Variants in ASB3 observed in about 807,000 individuals in gnomAD.
The protein encoded by ASB3 is ankyrin repeat and SOCS box containing 3.
A neutral mutation model predicts 54.5 loss-of-function variants in ASB3; 41 were observed. That is an observed-to-expected ratio of 0.75 (90% confidence interval 0.59 to 0.98). The LOEUF is 0.98. Ranked by LOEUF, ASB3 falls within the 50% of genes least tolerant of loss-of-function variation. ASB3 has a pLI of 0.00. For synonymous variants in ASB3, 266 were observed against 221.2 expected, an observed-to-expected ratio of 1.20 and a Z score of -1.80; for missense variants, 733 against 620.0, an observed-to-expected ratio of 1.18 and a Z score of -1.94.
Position 53,700,466 on chromosome 2 carries a change from T to A in ASB3, c.1043A>T (p.His348Leu). The A allele has an allele frequency of 6.2e-7, 1 of 1,614,106 alleles. No homozygotes were observed. Among genetic ancestry groups the A allele is most frequent in the Non-Finnish European group, 8.5e-7 (1 of 1,179,998 alleles). Residue 348 changes from histidine (H) to leucine (L), a missense_variant, in exon 8 of 10, where the codon CAT (histidine) becomes CTT (leucine). Transcript: ENST00000263634. ...CTCGTACTTCAGGCAGTATGCCAAATGAAGTTCATTTATCTGGGCTCCATA... is the reference window on the plus strand; with the variant it reads ...CTCGTACTTCAGGCAGTATGCCAAAAGAAGTTCATTTATCTGGGCTCCATA... ...LKYGAQINEL[H>L]LAYCLKYEKF...
chr2:53,761,586 G>C (rs1673150177), intron 2 of ASB3, among the ~76,000 whole-genome samples: 1 of 152,188 alleles, frequency 6.6e-6, no homozygotes. Context: ...GCCTCAGACT[G>C]AGAGTTACAC....
At chr2:53,749,476 T>C (rs140848027) in intron 3 of ASB3, among the ~76,000 whole-genome samples, 104 of 152,230 alleles carry the variant, frequency 6.8e-4, no homozygotes, top group African/African-American at 2.3e-3. Flanking sequence ...TAAAAACTTA[T>C]ATTGATACAA....
chr2:53,755,721 G>C (rs1032289744), intron 2 of ASB3, among the ~76,000 whole-genome samples: 1 of 152,210 alleles, frequency 6.6e-6, no homozygotes, highest in Non-Finnish European at 1.5e-5. Context: ...CAAGATGCAT[G>C]GAAGAAGTCA....
chr2:53,782,785 T>C (rs943053989), intron 1 of ASB3, among the ~76,000 whole-genome samples: 1 of 151,926 alleles, frequency 6.6e-6, no homozygotes, highest in Non-Finnish European at 1.5e-5. Context: ...ACAAAAGAGC[T>C]CAATAATTTT....
At chr2:53,704,829 A>G (rs1334460333) in intron 7 of ASB3, among the ~76,000 whole-genome samples, 1 of 152,206 alleles carries the variant, frequency 6.6e-6, no homozygotes, top group Non-Finnish European at 1.5e-5. Context: ...TTTTATCAAG[A>G]TGATTCCCTG....
chr2:53,716,123 TTCAG>T (rs1012337020), intron 6 of ASB3, among the ~76,000 whole-genome samples: 8 of 152,086 alleles, frequency 5.3e-5, no homozygotes, highest in African/African-American at 9.7e-5. Flanking sequence ...TCAAGAAAAG[TTCAG>T]TCAAAGGGTT....
chr2:53,682,227 T>C (rs902077582), intron 9 of ASB3, among the ~76,000 whole-genome samples: 6 of 152,140 alleles, frequency 3.9e-5, no homozygotes, highest in African/African-American at 1.4e-4. Flanking sequence ...GGTATTTTGA[T>C]AGGAATTGCA....
In ASB3 at chr2:53,768,978, A is replaced by ACC. The variant is rs1673697485; in HGVS notation, c.-13-3394_-13-3393insGG. Among the ~76,000 whole-genome samples the ACC allele has an allele frequency of 7.2e-5, 11 of 152,364 alleles. No individual in the cohort carries two copies. In the South Asian group the frequency reaches 2.3e-3, roughly 32 times the overall value. Reference sequence around the variant, plus strand: ...GAGACATGGGATTAAAATCACGAAAAGAACCTGAATTAGAAACCATTCTAT... The same window carrying ACC: ...GAGACATGGGATTAAAATCACGAAAACCGAACCTGAATTAGAAACCATTCTAT... On this transcript the variant is annotated intron_variant, in intron 1 of 9. Coordinates refer to ENST00000263634, the MANE Select transcript of ASB3 (RefSeq NM_016115.5).
intron 2 of ASB3, chr2:53,756,986 TG>T: frequency 5.9e-6 from 1 of 168,210 alleles, no homozygotes; most frequent in Non-Finnish European, 1.2e-5. Flanking sequence ...TTCCATTCCT[TG>T]GAATCCGTGA....
chr2:53,712,953 A>C (rs1670188948), intron 7 of ASB3, among the ~76,000 whole-genome samples: 1 of 152,232 alleles, frequency 6.6e-6, no homozygotes, highest in South Asian at 2.1e-4. Flanking sequence ...AACGGGGTAC[A>C]CAAGAAAATC....
chr2:53,753,891 T>A (rs1309631714), intron 2 of ASB3, among the ~76,000 whole-genome samples: 1 of 152,066 alleles, frequency 6.6e-6, no homozygotes, highest in Admixed American at 6.6e-5. Flanking sequence ...TCTGCCCGAC[T>A]TGGCCTCCCA....
At chr2:53,698,259 C>A (rs1669295012) in intron 8 of ASB3, among the ~76,000 whole-genome samples, 1 of 152,166 alleles carries the variant, frequency 6.6e-6, no homozygotes, top group African/African-American at 2.4e-5. Context: ...GGAGGGACAG[C>A]CTCAAAGATC....
At chr2:53,785,282 T>A (rs2104240210) in intron 1 of ASB3, among the ~76,000 whole-genome samples, 1 of 152,362 alleles carries the variant, frequency 6.6e-6, no homozygotes, top group South Asian at 2.1e-4. Flanking sequence ...GTTCCCCTCT[T>A]ACTTGAACAT....
At chr2:53,702,856 A>G (rs1237139311) in intron 7 of ASB3, among the ~76,000 whole-genome samples, 2 of 152,234 alleles carry the variant, frequency 1.3e-5, no homozygotes, top group African/African-American at 2.4e-5. Flanking sequence ...TTTATGTTCA[A>G]TTAGCAAACA....
intron 2 of ASB3, among the ~76,000 whole-genome samples, chr2:53,759,021 G>T (rs1391957313): frequency 1.3e-5 from 2 of 152,192 alleles, no homozygotes; most frequent in Admixed American, 1.3e-4. Flanking sequence ...GACATAGACA[G>T]ATATAATGTT....
At chr2:53,715,940 T>C (rs947137149) in intron 6 of ASB3, among the ~76,000 whole-genome samples, 2 of 152,230 alleles carry the variant, frequency 1.3e-5, no homozygotes, top group Non-Finnish European at 2.9e-5. Flanking sequence ...CATGTATTTC[T>C]AAAAATTATT....
intron 1 of ASB3, among the ~76,000 whole-genome samples, chr2:53,773,065 G>C (rs183173596): frequency 3.9e-5 from 6 of 152,102 alleles, no homozygotes; most frequent in African/African-American, 7.2e-5. Context: ...AAATCAAGCA[G>C]TTAGTAATGG....
chr2:53,772,077 G>GT (rs954986506), intron 1 of ASB3: 68 of 578,896 alleles, frequency 1.2e-4, no homozygotes, highest in African/African-American at 2.0e-4. Flanking sequence ...GTATTTGTGG[G>GT]TTTTTTTTGT....
intron 1 of ASB3, among the ~76,000 whole-genome samples, chr2:53,769,060 T>C (rs761395235): frequency 2.0e-4 from 31 of 152,240 alleles, no homozygotes; most frequent in Admixed American, 8.5e-4. Flanking sequence ...TACTGGCCTA[T>C]TGGGATGTTG....
Sources: gnomAD v4.1 joint callset for allele counts (sites outside exome capture counted in the v4.1 genomes callset) on GRCh38, gnomAD v4.1.1 for gene constraint, MANE v1.5 for transcripts, NCBI Gene and HGNC (gene_info 2026-07-23, HGNC 2026-07-21) for gene names.